The following PLXNA2 variants were observed in gnomAD, a reference collection of about 807,000 sequenced individuals.
PLXNA2 encodes the protein plexin-A2.
PLXNA2 carries 91 observed loss-of-function variants against 193.5 expected under a neutral mutation model. The ratio of observed to expected loss-of-function variants is 0.47; its 90% CI spans 0.40 to 0.56. PLXNA2 has a LOEUF of 0.56. Among genes scored for constraint, PLXNA2 ranks in the 20% least tolerant of loss-of-function variants. The pLI is 0.00. For synonymous variants in PLXNA2, 997 were observed against 1,027.3 expected, an observed-to-expected ratio of 0.97 and a Z score of 0.56; for missense variants, 1,995 against 2,503.2, an observed-to-expected ratio of 0.80 and a Z score of 4.33.
chr1:208,214,907 A>C (rs1198995032), intron 2 of PLXNA2, among the ~76,000 whole-genome samples: 3 of 151,578 alleles, frequency 2.0e-5, no homozygotes, highest in African/African-American at 7.3e-5. Flanking sequence ...AGAACCTCAA[A>C]CTCTGAGCCA....
At chr1:208,100,105 G>T (rs1039164853) in intron 5 of PLXNA2, among the ~76,000 whole-genome samples, 1 of 152,068 alleles carries the variant, frequency 6.6e-6, no homozygotes, top group Non-Finnish European at 1.5e-5. Flanking sequence ...CAGGCATGGT[G>T]GCTCACACCT....
chr1:208,194,841 T>C (rs758487418), intron 3 of PLXNA2, among the ~76,000 whole-genome samples: 4 of 152,234 alleles, frequency 2.6e-5, no homozygotes. Flanking sequence ...TTTGGTTTTC[T>C]TTTCCCAAGG....
Position 208,217,458 on chromosome 1 carries a change from C to T in PLXNA2, c.465G>A (p.Lys155=), listed in dbSNP as rs757405819. 17 of 1,614,202 alleles carry T rather than the reference C, an allele frequency of 1.1e-5. No homozygotes were observed. The highest frequency in any genetic ancestry group is 2.2e-5 in the East Asian group (1 of 44,876). The stretch of plus-strand genomic sequence containing the variant: ...TGTTGACACTGGACAGGTAGTGCTC[C>T]TTCTTGTGGGATGGCTCCACCAGGA... ...LFILVEPSHK[K]EHYLSSVNKT... The change falls in exon 2 of 32, where the codon AAG becomes AAA. Residue 155 remains lysine, a synonymous_variant. Transcript: ENST00000367033. This position sits in a 1 kb window ranked among gnomAD's most constrained non-coding sequence, Gnocchi z 4.7.
In PLXNA2 at chr1:208,117,135, C is replaced by A. The variant is rs75864616; in HGVS notation, c.1507-13888G>T. Among the ~76,000 whole-genome samples, 318 of 152,254 alleles carry A rather than the reference C, an allele frequency of 2.1e-3. 12 individuals are homozygous for A. In the East Asian group the frequency reaches 0.058, roughly 28 times the overall value. Reference sequence around the variant, plus strand: ...GCAGTGAGCCGGGATCACACCACTGCACTCCAGCCTGGATGACAGAGCAAG... The same window carrying A: ...GCAGTGAGCCGGGATCACACCACTGAACTCCAGCCTGGATGACAGAGCAAG... On this transcript the variant is annotated intron_variant, in intron 4 of 31. Transcript: ENST00000367033.
chr1:208,119,400 A>T (rs1215103521), intron 4 of PLXNA2, among the ~76,000 whole-genome samples: 1 of 152,208 alleles, frequency 6.6e-6, no homozygotes, highest in East Asian at 1.9e-4. Flanking sequence ...CCTGATCCAA[A>T]GCAAACACAC....
At chr1:208,146,812 A>G (rs1668617564) in intron 3 of PLXNA2, among the ~76,000 whole-genome samples, 1 of 152,176 alleles carries the variant, frequency 6.6e-6, no homozygotes, top group Non-Finnish European at 1.5e-5. Flanking sequence ...GAGATGGGGC[A>G]AAGGAGGGAG....
chr1:208,189,940 A>G (rs568566113), intron 3 of PLXNA2, among the ~76,000 whole-genome samples: 1 of 152,306 alleles, frequency 6.6e-6, no homozygotes, highest in South Asian at 2.1e-4. Context: ...CAGGAGAAAT[A>G]TCTCCACCCT....
chr1:208,028,131 C>A lies in PLXNA2; in HGVS notation c.5467G>T (p.Ala1823Ser). ...GCATTCATGTCCTGGTCACTGATGG[C>A]TGGGAGCTTGGCGATGTCTGCGTAG... ...RYYADIAKLPAISDQDMNAYL... is the reference protein window; with the variant it reads ...RYYADIAKLPSISDQDMNAYL... The change falls in exon 31 of 32, where the codon GCC (alanine) becomes TCC (serine). Residue 1823 changes from alanine to serine, a missense_variant. Transcript: ENST00000367033. This position sits in a 1 kb window ranked among gnomAD's most constrained non-coding sequence, Gnocchi z 4.2. 1 of 1,613,070 alleles carries A rather than the reference C, an allele frequency of 6.2e-7. No individual in the cohort carries two copies. Among genetic ancestry groups the A allele is most frequent in the Non-Finnish European group, 8.5e-7 (1 of 1,179,514 alleles).
chr1:208,210,299 T>G lies in PLXNA2; in HGVS notation c.1352A>C (p.Lys451Thr). The G allele has an allele frequency of 6.2e-7, 1 of 1,613,910 alleles. No homozygotes were observed. Among genetic ancestry groups the G allele is most frequent in the Non-Finnish European group, 8.5e-7 (1 of 1,180,012 alleles). ...TCTTACCTTTTTCAGCTTGCCACTC[T>G]TAGTCCCCACAAAAACCACGCTGTA... Reference protein sequence around the residue: ...NGYSVVFVGTKSGKLKKIRAD... With the variant: ...NGYSVVFVGTTSGKLKKIRAD... Residue 451 changes from lysine to threonine, a missense_variant, in exon 3 of 32, where the codon AAG becomes ACG. Around this residue, in one of 3 missense-constraint regions of PLXNA2, gnomAD observed 702 missense variants for 812.9 expected, o/e 0.86. Transcript: ENST00000367033.
chr1:208,217,310 G>A lies in PLXNA2; in HGVS notation c.613C>T (p.Arg205Ter), dbSNP rs540347153. 2 of 1,614,148 alleles carry A rather than the reference G, an allele frequency of 1.2e-6. No homozygotes were observed. The highest frequency in any genetic ancestry group is 2.2e-5 in the East Asian group (1 of 44,882). ...AGCATGGCTGAGGACTCAGGGTCTCGGGGCAGCTTCCGGCTGGACAGGGTC... is the reference window on the plus strand; with the variant it reads ...AGCATGGCTGAGGACTCAGGGTCTCAGGGCAGCTTCCGGCTGGACAGGGTC... ...FPTLSSRKLPRDPESSAMLDY... is the reference protein window; with the variant it reads ...FPTLSSRKLP Residue 205 changes from arginine to a stop codon, truncating the protein, a stop_gained, in exon 2 of 32, where the codon CGA (arginine) becomes TGA (stop). Transcript: ENST00000367033. LOFTEE classifies it high-confidence loss of function. The surrounding 1 kb of genome is among the most constrained non-coding windows in gnomAD (Gnocchi z 4.7).
intron 11 of PLXNA2, among the ~76,000 whole-genome samples, chr1:208,080,169 A>G (rs1033885758): frequency 1.3e-5 from 2 of 152,190 alleles, no homozygotes; most frequent in Non-Finnish European, 2.9e-5. Flanking sequence ...GGGGTTAAAG[A>G]AAGGCCAGGT....
At chr1:208,058,793 G>A (rs1198755973) in intron 13 of PLXNA2, among the ~76,000 whole-genome samples, 1 of 152,212 alleles carries the variant, frequency 6.6e-6, no homozygotes, top group Admixed American at 6.5e-5. Context: ...TGTGGGGTGA[G>A]TGCAGTACAT....
chr1:208,138,643 G>A (rs981307504), intron 4 of PLXNA2, among the ~76,000 whole-genome samples: 1 of 152,250 alleles, frequency 6.6e-6, no homozygotes, highest in African/African-American at 2.4e-5. Context: ...CCAGGACTTT[G>A]GGAGGCCGAG....
chr1:208,220,680 G>T (rs1412232316), intron 1 of PLXNA2, among the ~76,000 whole-genome samples: 1 of 151,034 alleles, frequency 6.6e-6, no homozygotes, highest in Non-Finnish European at 1.5e-5. Flanking sequence ...CTGACCTCGT[G>T]ATCCACCTGC....
chr1:208,046,252 A>G, intron 17 of PLXNA2, 135 bp from the exon 18 acceptor site: 1 of 1,174,050 alleles, frequency 8.5e-7, no homozygotes, highest in Non-Finnish European at 1.2e-6. Flanking sequence ...ATTCCATGGG[A>G]AAGCCCTCCA....
At chr1:208,157,299 A>T (rs1571978606) in intron 3 of PLXNA2, among the ~76,000 whole-genome samples, 1 of 152,202 alleles carries the variant, frequency 6.6e-6, no homozygotes, top group African/African-American at 2.4e-5. Flanking sequence ...TGGCTTTTCT[A>T]GTTCTAAGAC....
At chr1:208,083,962 G>A (rs1205516249) in intron 10 of PLXNA2, among the ~76,000 whole-genome samples, 2 of 152,098 alleles carry the variant, frequency 1.3e-5, no homozygotes, top group Admixed American at 6.5e-5. Context: ...TCTGGTTCAA[G>A]TTTCACTGAA....
rs549491663 is a variant in PLXNA2, at chr1:208,074,645, A to G, written c.2586+4615T>C. Among the ~76,000 whole-genome samples, 4 of 152,202 alleles carry G rather than the reference A, an allele frequency of 2.6e-5. No individual in the cohort carries two copies. The East Asian group carries it at 7.7e-4, about 29-fold the overall frequency. ...ACAGCTGTTTATCTAACTATGCGTG[A>G]GCCCACTTCTTTTTCTAACGTAGAA... On this transcript the variant is annotated intron_variant, in intron 12 of 31. Transcript: ENST00000367033.
chr1:208,117,508 T>C (rs890794070), intron 4 of PLXNA2, among the ~76,000 whole-genome samples: 1 of 152,204 alleles, frequency 6.6e-6, no homozygotes, highest in Non-Finnish European at 1.5e-5. Flanking sequence ...GGTGGTGCTG[T>C]GACCCCACTG....
Sources: allele counts gnomAD v4.1 joint callset (sites outside exome capture counted in the v4.1 genomes callset), GRCh38; gene constraint gnomAD v4.1.1; regional missense constraint gnomAD v4.1.1; non-coding constraint Gnocchi (gnomAD v3.1); transcripts MANE v1.5; gene names NCBI Gene and HGNC (gene_info 2026-07-23, HGNC 2026-07-21).